The following ZNF516 variants were observed in gnomAD, a reference collection of about 807,000 sequenced individuals.
The protein encoded by ZNF516 is zinc finger protein 516.
Under a neutral mutation model 79.7 loss-of-function variants are expected in ZNF516, and 19 were observed. The ratio of observed to expected loss-of-function variants is 0.24; its 90% CI spans 0.17 to 0.35. The LOEUF (loss-of-function observed/expected upper bound fraction) is 0.35, where lower values mean the gene tolerates loss of function less well. Ranked by LOEUF, ZNF516 falls within the 10% of genes least tolerant of loss-of-function variation. The pLI, the probability that ZNF516 is intolerant of heterozygous loss-of-function variation, is 1.00. For synonymous variants in ZNF516, 877 were observed against 739.5 expected (o/e 1.19, Z -3.02); for missense variants, 1,678 against 1,679.5 (o/e 1.00, Z 0.02).
intron 1 of ZNF516, among the ~76,000 whole-genome samples, chr18:76,463,436 G>A (rs73479058): frequency 0.017 from 2,538 of 152,296 alleles, 78 homozygotes; most frequent in African/African-American, 0.056. Context: ...CTGTAGCAGC[G>A]GAACAATCTG....
intron 1 of ZNF516, among the ~76,000 whole-genome samples, chr18:76,494,411 G>A (rs1166093001): frequency 6.6e-6 from 1 of 150,440 alleles, no homozygotes; most frequent in Admixed American, 6.6e-5. Flanking sequence ...GCTCCGAGGA[G>A]TCCCTGCCCA....
At chr18:76,408,541 C>T (rs924340310) in intron 3 of ZNF516, among the ~76,000 whole-genome samples, 1 of 152,134 alleles carries the variant, frequency 6.6e-6, no homozygotes, top group Admixed American at 6.5e-5. Flanking sequence ...TGAAAAACGT[C>T]TAAAGGCGGA....
Position 76,442,695 on chromosome 18 carries a change from G to C in ZNF516, c.360C>G (p.Ser120Arg). 6.3e-7 allele frequency: 1 copy of C among 1,582,932 alleles called. No individual in the cohort carries two copies. The highest frequency in any genetic ancestry group is 1.7e-4 in the Middle Eastern group (1 of 5,824). Residue 120 changes from serine to arginine, a missense_variant, in exon 3 of 7, where the codon AGC (serine) becomes AGG (arginine). Coordinates refer to ENST00000443185, the MANE Select transcript of ZNF516 (RefSeq NM_014643.4). Reference sequence around the variant, plus strand: ...TCAGCAGCCGGTTGCAGGCCGAGGCGCTCTTGGTGGGGCTGGCGCAGGCGT... The same window carrying C: ...TCAGCAGCCGGTTGCAGGCCGAGGCCCTCTTGGTGGGGCTGGCGCAGGCGT... ...GLDACASPTK[S>R]ASACNRLLNG...
intron 1 of ZNF516, among the ~76,000 whole-genome samples, chr18:76,465,285 G>A (rs779758068): frequency 6.6e-6 from 1 of 152,228 alleles, no homozygotes; most frequent in African/African-American, 2.4e-5. Flanking sequence ...CTGGACACCA[G>A]CTTCAGATTT....
intron 2 of ZNF516, among the ~76,000 whole-genome samples, chr18:76,446,458 G>A (rs1389726934): frequency 2.0e-5 from 3 of 152,198 alleles, no homozygotes; most frequent in African/African-American, 7.2e-5. Flanking sequence ...CCATGACCAC[G>A]GCTGAGCGGA....
At chr18:76,406,705 C>T (rs1435929727) in intron 3 of ZNF516, among the ~76,000 whole-genome samples, 1 of 152,364 alleles carries the variant, frequency 6.6e-6, no homozygotes, top group East Asian at 1.9e-4. Context: ...CAGGCTTTCG[C>T]CAACACGTTC....
chr18:76,422,844 AG>A (rs1166111371), intron 3 of ZNF516, among the ~76,000 whole-genome samples: 1 of 152,254 alleles, frequency 6.6e-6, no homozygotes, highest in African/African-American at 2.4e-5. Flanking sequence ...AAACTGGAAT[AG>A]ATAAGAAAAA....
At chr18:76,480,392 G>A (rs894521095) in intron 1 of ZNF516, among the ~76,000 whole-genome samples, 1 of 151,892 alleles carries the variant, frequency 6.6e-6, no homozygotes, top group East Asian at 1.9e-4. Flanking sequence ...CTGGGTTAGC[G>A]AACTACAGGC....
At chr18:76,405,239 G>A (rs36074911) in intron 3 of ZNF516, among the ~76,000 whole-genome samples, 1 of 139,014 alleles carries the variant, frequency 7.2e-6, no homozygotes, top group African/African-American at 2.4e-5. Context: ...GACAGACTGT[G>A]TCTTTTTTGA....
At chr18:76,425,442 G>A (rs934825579) in intron 3 of ZNF516, among the ~76,000 whole-genome samples, 2 of 152,174 alleles carry the variant, frequency 1.3e-5, no homozygotes, top group African/African-American at 4.8e-5. Flanking sequence ...CAGAGGAAAT[G>A]TGTTCACCAA....
intron 3 of ZNF516, among the ~76,000 whole-genome samples, chr18:76,397,742 C>T (rs376392447): frequency 6.6e-6 from 1 of 152,142 alleles, no homozygotes; most frequent in South Asian, 2.1e-4. Flanking sequence ...GCTCTACAGG[C>T]GTGTGCTACC....
At chr18:76,479,552 G>A (rs542457366) in intron 1 of ZNF516, among the ~76,000 whole-genome samples, 2 of 152,300 alleles carry the variant, frequency 1.3e-5, no homozygotes, top group East Asian at 1.9e-4. Flanking sequence ...GAGGGAAGAC[G>A]CACAGGCGTT....
chr18:76,358,039 C>A lies in ZNF516; in HGVS notation c.*4459G>T, dbSNP rs751815224. On this transcript the variant is annotated 3_prime_UTR_variant, in exon 7 of 7. Transcript: ENST00000443185. ...CTGGGCATCTGTTCAGATGAACGAT[C>A]TTGTGAATTACCCTAAAACTCTTCC... Among the ~76,000 whole-genome samples the A allele has an allele frequency of 6.6e-6, 1 of 152,198 alleles. No individual in the cohort carries two copies. The highest frequency in any genetic ancestry group is 1.5e-5 in the Non-Finnish European group (1 of 68,042).
At chr18:76,471,448 C>A (rs1183372602) in intron 1 of ZNF516, among the ~76,000 whole-genome samples, 1 of 152,180 alleles carries the variant, frequency 6.6e-6, no homozygotes, top group Non-Finnish European at 1.5e-5. Context: ...TTAGATGGGT[C>A]ATTCTCTTCT....
chr18:76,437,093 C>CACACACACACACAT (rs1380356733), intron 3 of ZNF516, among the ~76,000 whole-genome samples: 3 of 151,770 alleles, frequency 2.0e-5, no homozygotes, highest in Admixed American at 2.0e-4. Flanking sequence ...CACACACACA[C>CACACACACACACAT]ACACACATAC....
chr18:76,492,781 T>C, intron 1 of ZNF516: 4 of 985,702 alleles, frequency 4.1e-6, no homozygotes, highest in Non-Finnish European at 4.8e-6. Flanking sequence ...CTGAAAGTGC[T>C]TCTAAACCCC....
Position 76,358,087 on chromosome 18 carries a change from T to A in ZNF516, c.*4411A>T, listed in dbSNP as rs1011579180. On this transcript the variant is annotated 3_prime_UTR_variant, in exon 7 of 7. Coordinates refer to ENST00000443185, the MANE Select transcript of ZNF516 (RefSeq NM_014643.4). ...TCCATAAATAAAGAGCATTAACACTTTGGTTTATGTTCAGCCAACAAAAAT... is the reference window on the plus strand; with the variant it reads ...TCCATAAATAAAGAGCATTAACACTATGGTTTATGTTCAGCCAACAAAAAT... 5 of 152,170 alleles carry A rather than the reference T, an allele frequency of 3.3e-5. No homozygotes were observed. The highest frequency in any genetic ancestry group is 1.2e-4 in the African/African-American group (5 of 41,436). The allele number at this position is 152,170 out of a possible 1,614,324, so 9.4% of individuals were successfully genotyped here. A position where few individuals can be genotyped will look rare whatever the true frequency, so the allele number is the denominator to read the frequency against.
At chr18:76,424,972 AAC>A (rs199934058) in intron 3 of ZNF516, among the ~76,000 whole-genome samples, 4 of 133,622 alleles carry the variant, frequency 3.0e-5, no homozygotes, top group African/African-American at 8.5e-5. Flanking sequence ...CTCCCCCCGA[AAC>A]ACACACGCAG....
intron 6 of ZNF516, among the ~76,000 whole-genome samples, chr18:76,367,621 C>T (rs574288501): frequency 8.5e-5 from 13 of 152,274 alleles, no homozygotes; most frequent in East Asian, 3.9e-4. Flanking sequence ...CCCATCCCTC[C>T]GCCCCTCCAT....
Sources: gnomAD v4.1 joint callset for allele counts (sites outside exome capture counted in the v4.1 genomes callset) on GRCh38, gnomAD v4.1.1 for gene constraint, MANE v1.5 for transcripts, NCBI Gene and HGNC (gene_info 2026-07-23, HGNC 2026-07-21) for gene names.